SH3BP4: variants seen among roughly 807,000 people sequenced by gnomAD.
The protein encoded by SH3BP4 is SH3 domain binding protein 4.
Under a neutral mutation model 65.5 loss-of-function variants are expected in SH3BP4, and 33 were observed. That is an observed-to-expected ratio of 0.50 (90% CI 0.38 to 0.67). SH3BP4 has a LOEUF of 0.67. SH3BP4 is among the 30% of genes least tolerant of loss of function. SH3BP4 has a pLI of 0.00. For missense variants in SH3BP4, 1,134 were observed against 1,261.4 expected, an observed-to-expected ratio of 0.90 and a Z score of 1.53; for synonymous variants, 552 against 545.5, an observed-to-expected ratio of 1.01 and a Z score of -0.17.
intron 3 of SH3BP4, among the ~76,000 whole-genome samples, chr2:235,038,292 A>ATAT (rs1559254210): frequency 8.4e-5 from 1 of 11,902 alleles, no homozygotes; most frequent in African/African-American, 1.2e-3. Context: ...TATATATAAT[A>ATAT]TATATATTAT....
rs761011092 is a variant in SH3BP4 at position 234,974,495 on chromosome 2, G to A, written c.-206-20808G>A. ...GTTGCTCTGTGGACAGGCAGCCCTG[G>A]AGCTAACAGGAGTATCCTGCATCCC... On this transcript the variant is annotated intron_variant, in intron 1 of 5. Transcript: ENST00000392011. This position sits in a 1 kb window ranked among gnomAD's most constrained non-coding sequence, Gnocchi z 4.6. Among the ~76,000 whole-genome samples the A allele has an allele frequency of 2.6e-5, 4 of 152,202 alleles. No individual in the cohort carries two copies. The highest frequency in any genetic ancestry group is 4.8e-5 in the African/African-American group (2 of 41,456).
At chr2:235,003,339 C>T (rs1694190613) in intron 2 of SH3BP4, among the ~76,000 whole-genome samples, 1 of 152,220 alleles carries the variant, frequency 6.6e-6, no homozygotes, top group Admixed American at 6.5e-5. Flanking sequence ...ATCCTACAAA[C>T]GCAGGCCACT....
Position 234,995,302 on chromosome 2 carries a change from G to C in SH3BP4, c.-206-1G>C, listed in dbSNP as rs1358083952. 6.6e-6 allele frequency: 1 copy of C among 152,338 alleles called. No individual in the cohort carries two copies. The highest frequency in any genetic ancestry group is 1.5e-5 in the Non-Finnish European group (1 of 68,158). The allele number at this position is 152,338 out of a possible 1,614,324, so 9.4% of individuals were successfully genotyped here. A position where few individuals can be genotyped will look rare whatever the true frequency, so the allele number is the denominator to read the frequency against. ...ACTCGTGTTTCCTTCTTGTCTTGCA[G>C]CGTCTCCCTTCTCTCCTGGACAGAA... On this transcript the variant is annotated splice_acceptor_variant, in intron 1 of 5. Transcript: ENST00000392011. LOFTEE classifies it low-confidence loss of function (5UTR_SPLICE).
chr2:235,028,887 G>C (rs1195285840), intron 2 of SH3BP4, among the ~76,000 whole-genome samples: 4 of 152,150 alleles, frequency 2.6e-5, no homozygotes, highest in Non-Finnish European at 5.9e-5. Context: ...ACTTCATGGA[G>C]ACCAGAAGAG....
At position 235,034,242 on chromosome 2, in the gene SH3BP4, T is replaced by G. The variant is rs1695298075; in HGVS notation, c.-132-629T>G. On this transcript the variant is annotated intron_variant, in intron 2 of 5. Coordinates refer to ENST00000392011, the MANE Select transcript of SH3BP4 (RefSeq NM_014521.3). This position sits in a 1 kb window ranked among gnomAD's most constrained non-coding sequence, Gnocchi z 6.2. ...GATCTTTCCTGCTTAGTAACAGTGG[T>G]TCAGTAAATATGCCCTGGTTTCATC... Among the ~76,000 whole-genome samples, 1 of 152,158 alleles carries G rather than the reference T, an allele frequency of 6.6e-6. No individual in the cohort carries two copies.
rs1261503899 is a variant in SH3BP4 at position 234,977,254 on chromosome 2, G to A, written c.-206-18049G>A. Among the ~76,000 whole-genome samples the A allele has an allele frequency of 6.6e-6, 1 of 152,148 alleles. No individual in the cohort carries two copies. Among genetic ancestry groups the A allele is most frequent in the Non-Finnish European group, 1.5e-5 (1 of 68,016 alleles). Reference sequence around the variant, plus strand: ...CACCTCCTGCCGGGGAGAAGCTCAGGGTCCCCATTTCCTGGCCGGGAACTT... The same window carrying A: ...CACCTCCTGCCGGGGAGAAGCTCAGAGTCCCCATTTCCTGGCCGGGAACTT... On this transcript the variant is annotated intron_variant, in intron 1 of 5. Coordinates refer to ENST00000392011, the MANE Select transcript of SH3BP4 (RefSeq NM_014521.3). This position sits in a 1 kb window ranked among gnomAD's most constrained non-coding sequence, Gnocchi z 5.1.
intron 1 of SH3BP4, among the ~76,000 whole-genome samples, chr2:234,962,186 G>C (rs1692729643): frequency 6.6e-6 from 1 of 152,156 alleles, no homozygotes; most frequent in Admixed American, 6.5e-5. Context: ...ACCCAGACTG[G>C]AGTGCGGTGG....
chr2:234,957,695 T>C (rs1466386970), intron 1 of SH3BP4, among the ~76,000 whole-genome samples: 1 of 151,912 alleles, frequency 6.6e-6, no homozygotes, highest in Non-Finnish European at 1.5e-5. Context: ...TCCAGACCTC[T>C]GTAGATTTGG....
intron 3 of SH3BP4, among the ~76,000 whole-genome samples, chr2:235,038,911 T>C (rs1695545745): frequency 6.6e-6 from 1 of 152,192 alleles, no homozygotes; most frequent in Non-Finnish European, 1.5e-5. Flanking sequence ...GTAAGAGCTA[T>C]GGAAAAAGAT....
At chr2:235,021,824 C>A (rs955654658) in intron 2 of SH3BP4, among the ~76,000 whole-genome samples, 1 of 152,050 alleles carries the variant, frequency 6.6e-6, no homozygotes, top group African/African-American at 2.4e-5. Context: ...CCGATTCAGA[C>A]CCTAGTGTCT....
intron 1 of SH3BP4, among the ~76,000 whole-genome samples, chr2:234,973,289 G>A (rs937408459): frequency 5.9e-5 from 9 of 152,130 alleles, no homozygotes; most frequent in African/African-American, 1.7e-4. Context: ...GCCATCTTCC[G>A]GGGAAATTAT....
intron 4 of SH3BP4, among the ~76,000 whole-genome samples, chr2:235,050,516 A>G (rs1220123034): frequency 6.6e-6 from 1 of 151,840 alleles, no homozygotes; most frequent in Admixed American, 6.6e-5. Context: ...TCAGCCTCTC[A>G]TATCTAGGGA....
Position 235,041,981 on chromosome 2 carries a change from C to G in SH3BP4, c.1212C>G (p.Asp404Glu). 6.2e-7 allele frequency: 1 copy of G among 1,613,342 alleles called. No homozygotes were observed. Among genetic ancestry groups the G allele is most frequent in the Non-Finnish European group, 8.5e-7 (1 of 1,179,426 alleles). The change falls in exon 4 of 6, where the codon GAC (aspartate) becomes GAG (glutamate). Residue 404 changes from aspartate to glutamate, a missense_variant. Transcript: ENST00000392011. This position sits in a 1 kb window ranked among gnomAD's most constrained non-coding sequence, Gnocchi z 6.0. ...EMKVSAEIKN[D>E]LFSKSTVGLQ... ...AAGTGTCAGCCGAGATAAAAAATGA[C>G]CTTTTTAGCAAAAGCACAGTGGGCC...
intron 2 of SH3BP4, among the ~76,000 whole-genome samples, chr2:234,999,610 G>A (rs1012351542): frequency 3.9e-5 from 6 of 152,186 alleles, no homozygotes; most frequent in African/African-American, 1.4e-4. Flanking sequence ...TGGCACAATA[G>A]CATGTTACAT....
At chr2:234,961,564 G>T (rs1002272533) in intron 1 of SH3BP4, among the ~76,000 whole-genome samples, 21 of 152,146 alleles carry the variant, frequency 1.4e-4, no homozygotes, top group African/African-American at 4.6e-4. Context: ...GAGCCACTGC[G>T]CCCGGCCTCC....
chr2:235,052,484 G>A lies in SH3BP4; in HGVS notation c.2479-78G>A, dbSNP rs375625541. 3.2e-5 allele frequency: 38 copies of A among 1,202,316 alleles called. No homozygotes were observed. The highest frequency in any genetic ancestry group is 5.2e-5 in the East Asian group (2 of 38,546). The allele number at this position is 1,202,316 out of a possible 1,614,324, so 74.5% of individuals were successfully genotyped here. A position where few individuals can be genotyped will look rare whatever the true frequency, so the allele number is the denominator to read the frequency against. ...GAGAGCCCATGGCCATTCCTGCGCCGTCTGCTGGAATTCTGCGGGGAGCAG... is the reference window on the plus strand; with the variant it reads ...GAGAGCCCATGGCCATTCCTGCGCCATCTGCTGGAATTCTGCGGGGAGCAG... On this transcript the variant is annotated intron_variant, in intron 4 of 5. Coordinates refer to ENST00000392011, the MANE Select transcript of SH3BP4 (RefSeq NM_014521.3). The surrounding 1 kb of genome is among the most constrained non-coding windows in gnomAD (Gnocchi z 5.0).
Position 235,041,838 on chromosome 2 carries a change from A to G in SH3BP4, c.1069A>G (p.Lys357Glu), listed in dbSNP as rs1695660219. Residue 357 changes from lysine (K) to glutamate (E), a missense_variant, in exon 4 of 6, where the codon AAA becomes GAA. By Grantham distance (56) the Lys-to-Glu change is moderately conservative. Transcript: ENST00000392011. The surrounding 1 kb of genome is among the most constrained non-coding windows in gnomAD (Gnocchi z 6.0). ...APGETQQISM[K>E]ALLDPPLELN... ...TGGGGAGACCCAGCAGATCTCCATG[A>G]AAGCCCTGCTGGACCCCCCGCTGGA... 1 of 1,602,920 alleles carries G rather than the reference A, an allele frequency of 6.2e-7. No homozygotes were observed. The highest frequency in any genetic ancestry group is 1.1e-5 in the South Asian group (1 of 90,208).
At chr2:235,010,281 C>T (rs1410814877) in intron 2 of SH3BP4, among the ~76,000 whole-genome samples, 4 of 152,184 alleles carry the variant, frequency 2.6e-5, no homozygotes, top group Non-Finnish European at 5.9e-5. Flanking sequence ...CACTTCATCT[C>T]CAGTTGCCTG....
At chr2:234,960,799 T>C (rs898363683) in intron 1 of SH3BP4, among the ~76,000 whole-genome samples, 1 of 152,232 alleles carries the variant, frequency 6.6e-6, no homozygotes, top group South Asian at 2.1e-4. Flanking sequence ...CAATCAAATT[T>C]GAAACAGCCT....
Sources: allele counts gnomAD v4.1 joint callset (sites outside exome capture counted in the v4.1 genomes callset), GRCh38; gene constraint gnomAD v4.1.1; non-coding constraint Gnocchi (gnomAD v3.1); transcripts MANE v1.5; gene names NCBI Gene and HGNC (gene_info 2026-07-23, HGNC 2026-07-21).